KDM6A: variants seen among roughly 807,000 people sequenced by gnomAD.
The protein encoded by KDM6A is lysine-specific demethylase 6A.
In KDM6A, 11 loss-of-function variants were observed where a neutral mutation model predicts 117.6. The observed-to-expected ratio is 0.09, with a 90% CI of 0.06 to 0.15. KDM6A has a LOEUF of 0.15. Ranked by LOEUF, KDM6A falls within the 10% of genes least tolerant of loss-of-function variation. KDM6A has a pLI of 1.00. For missense variants in KDM6A, 799 were observed against 1,077.3 expected (o/e 0.74, Z 3.62); for synonymous variants, 384 against 396.1 (o/e 0.97, Z 0.36).
intron 2 of KDM6A, among the ~76,000 whole-genome samples, chrX:44,885,449 A>T (rs774438340): frequency 9.0e-6 from 1 of 111,470 alleles, no homozygotes; most frequent in South Asian, 3.7e-4. Flanking sequence ...GTATACTTGC[A>T]CATAGTACAA....
At chrX:44,904,976 A>G (rs932259361) in intron 2 of KDM6A, among the ~76,000 whole-genome samples, 3 of 112,121 alleles carry the variant, frequency 2.7e-5, no homozygotes, top group Admixed American at 9.5e-5. Context: ...TGGGAGAGGA[A>G]TTGTTAGAGG....
At chrX:44,895,760 G>T (rs2033795627) in intron 2 of KDM6A, among the ~76,000 whole-genome samples, 2 of 107,644 alleles carry the variant, frequency 1.9e-5, no homozygotes, top group East Asian at 5.8e-4. Flanking sequence ...TTAGTAGTGT[G>T]TTAAGTTTCT....
intron 2 of KDM6A, among the ~76,000 whole-genome samples, chrX:44,926,719 TAG>T (rs1049781187): frequency 1.8e-5 from 2 of 111,952 alleles, no homozygotes; most frequent in Non-Finnish European, 3.8e-5. Context: ...AGCCTCTGTT[TAG>T]AGACATTTGA....
At chrX:44,882,629 A>G (rs1295481000) in intron 2 of KDM6A, among the ~76,000 whole-genome samples, 1 of 112,488 alleles carries the variant, frequency 8.9e-6, no homozygotes, top group Non-Finnish European at 1.9e-5. Context: ...TATGAATCAT[A>G]GTTGCTTGAG....
intron 28 of KDM6A, among the ~76,000 whole-genome samples, chrX:45,109,259 A>G (rs2046676090): frequency 9.0e-6 from 1 of 111,238 alleles, no homozygotes; most frequent in African/African-American, 3.3e-5. Flanking sequence ...ATTCAAAAAT[A>G]TTTAGAGGGT....
chrX:45,049,902 T>C (rs2043756293), intron 8 of KDM6A, among the ~76,000 whole-genome samples: 2 of 113,051 alleles, frequency 1.8e-5, no homozygotes, highest in Non-Finnish European at 3.7e-5. Context: ...TCCTGTTATG[T>C]ATTAGGTGTT....
intron 3 of KDM6A, among the ~76,000 whole-genome samples, chrX:44,964,247 G>C (rs1441265101): frequency 9.3e-6 from 1 of 107,559 alleles, no homozygotes; most frequent in Non-Finnish European, 1.9e-5. Flanking sequence ...GTCAAGAGTC[G>C]AGACCCACCT....
At chrX:44,874,329 C>A (rs1324026203) in intron 2 of KDM6A, among the ~76,000 whole-genome samples, 1 of 111,308 alleles carries the variant, frequency 9.0e-6, no homozygotes, top group Admixed American at 9.5e-5. Flanking sequence ...TGAGTGTGTT[C>A]AGATTTTCCC....
chrX:45,062,611 A>G (rs1236358607), intron 15 of KDM6A, 36 bp from the exon 16 acceptor site: 2 of 1,014,403 alleles, frequency 2.0e-6, no homozygotes, highest in Non-Finnish European at 1.4e-6. Context: ...TCCTAAATAT[A>G]TCTTTGACTA....
intron 2 of KDM6A, among the ~76,000 whole-genome samples, chrX:44,958,309 A>G (rs1465439927): frequency 1.9e-5 from 2 of 107,819 alleles, no homozygotes; most frequent in Non-Finnish European, 3.8e-5. Flanking sequence ...CAGCCTCCTG[A>G]GTAGCTGGGA....
chrX:44,911,878 C>A (rs2035206156), intron 2 of KDM6A, among the ~76,000 whole-genome samples: 1 of 110,974 alleles, frequency 9.0e-6, no homozygotes. Flanking sequence ...AATATGAAAA[C>A]CAGTCAGGCG....
At chrX:45,063,197 A>G (rs1479139394) in intron 16 of KDM6A, among the ~76,000 whole-genome samples, 1 of 108,563 alleles carries the variant, frequency 9.2e-6, no homozygotes, top group African/African-American at 3.4e-5. Flanking sequence ...TTTGAAACCG[A>G]CTTTTGCTTT....
chrX:45,016,560 C>A (rs1036132308), intron 5 of KDM6A, among the ~76,000 whole-genome samples: 2 of 110,964 alleles, frequency 1.8e-5, no homozygotes, highest in Admixed American at 1.9e-4. Context: ...AGTGCAGTGG[C>A]ACAATCAAGG....
chrX:44,878,494 A>G (rs954089514), intron 2 of KDM6A, among the ~76,000 whole-genome samples: 2 of 112,121 alleles, frequency 1.8e-5, no homozygotes, highest in African/African-American at 6.5e-5. Context: ...ACGTGGACAA[A>G]GTCTTATATA....
At position 45,107,556 on chromosome X, in the gene KDM6A, C is replaced by A; in HGVS notation, c.4161+20C>A. The A allele has an allele frequency of 3.3e-6, 4 of 1,195,176 alleles. No homozygotes were observed. Among genetic ancestry groups the A allele is most frequent in the Non-Finnish European group, 4.5e-6 (4 of 889,938 alleles). On this transcript the variant is annotated intron_variant, in intron 28 of 29. Coordinates refer to ENST00000611820, the MANE Select transcript of KDM6A (RefSeq NM_001291415.2). ...TGTGAAGTAAGTAATTGTTTTTATCCACAGTTGTTTTATAAAGCCTCTTCC... is the reference window on the plus strand; with the variant it reads ...TGTGAAGTAAGTAATTGTTTTTATCAACAGTTGTTTTATAAAGCCTCTTCC...
chrX:44,934,700 A>G (rs1428781881), intron 2 of KDM6A, among the ~76,000 whole-genome samples: 3 of 111,333 alleles, frequency 2.7e-5, no homozygotes, highest in Non-Finnish European at 3.8e-5. Flanking sequence ...TAGAATGGCA[A>G]CCCTCCATGT....
chrX:44,894,621 ATT>A (rs574868704), intron 2 of KDM6A, among the ~76,000 whole-genome samples: 3,827 of 99,926 alleles, frequency 0.038, 205 homozygotes, highest in African/African-American at 0.13. Context: ...TAATTAATTA[ATT>A]TTTTTTTTTT....
At chrX:44,885,444 C>T (rs2032768652) in intron 2 of KDM6A, among the ~76,000 whole-genome samples, 1 of 111,050 alleles carries the variant, frequency 9.0e-6, no homozygotes, top group African/African-American at 3.3e-5. Flanking sequence ...TATAGGTATA[C>T]TTGCACATAG....
At chrX:44,987,974 A>G (rs1410019247) in intron 4 of KDM6A, among the ~76,000 whole-genome samples, 3 of 111,335 alleles carry the variant, frequency 2.7e-5, no homozygotes, top group Admixed American at 1.9e-4. Flanking sequence ...GATTGTGGAA[A>G]TTCTCCTGGA....
Sources: gnomAD v4.1 joint callset for allele counts (sites outside exome capture counted in the v4.1 genomes callset) on GRCh38, gnomAD v4.1.1 for gene constraint, MANE v1.5 for transcripts, NCBI Gene and HGNC (gene_info 2026-07-23, HGNC 2026-07-21) for gene names.